The following KANK4 variants were observed in gnomAD, a reference collection of about 807,000 sequenced individuals.
KANK4 encodes KN motif and ankyrin repeat domain-containing protein 4.
KANK4 carries 50 observed loss-of-function variants against 80.8 expected under a neutral mutation model. That is an observed-to-expected ratio of 0.62 (90% CI 0.49 to 0.78). The LOEUF (loss-of-function observed/expected upper bound fraction) is 0.78, where lower values mean the gene tolerates loss of function less well. KANK4 is among the 30% of genes least tolerant of loss of function. KANK4 has a pLI of 0.00. For missense variants in KANK4, 1,196 were observed against 1,240.1 expected (o/e 0.96, Z 0.53); for synonymous variants, 465 against 506.9 (o/e 0.92, Z 1.11).
At chr1:62,249,544 A>AT (rs1671559666) in intron 8 of KANK4, among the ~76,000 whole-genome samples, 1 of 83,320 alleles carries the variant, frequency 1.2e-5, no homozygotes, top group African/African-American at 3.8e-5. Flanking sequence ...ACATCTGGCC[A>AT]ATTTTTTTTT....
chr1:62,264,345 A>T (rs1466442629), intron 6 of KANK4, among the ~76,000 whole-genome samples: 1 of 152,166 alleles, frequency 6.6e-6, no homozygotes, highest in Admixed American at 6.5e-5. Context: ...TGAACCCGGG[A>T]GGTGGAGGTT....
intron 3 of KANK4, chr1:62,271,835 G>A (rs563955178): frequency 3.8e-5 from 16 of 421,130 alleles, no homozygotes; most frequent in East Asian, 3.7e-4. Context: ...ACCATGTGGC[G>A]TAGGTGCCAT....
chr1:62,271,599 C>G lies in KANK4; in HGVS notation c.1901-10G>C. ...GTCGATGGGGAGATCTCTAGGCAGA[C>G]ACAACATCACAGGTTAGAATGATCT... On this transcript the variant is annotated splice_polypyrimidine_tract_variant and intron_variant, in intron 3 of 9. Coordinates refer to ENST00000371153, the MANE Select transcript of KANK4 (RefSeq NM_181712.5). The G allele has an allele frequency of 5.1e-6, 8 of 1,569,200 alleles. No homozygotes were observed. Among genetic ancestry groups the G allele is most frequent in the Non-Finnish European group, 7.0e-6 (8 of 1,139,262 alleles).
Position 62,273,212 on chromosome 1 carries a change from G to C in KANK4, c.1892C>G (p.Pro631Arg). 6.6e-7 allele frequency: 1 copy of C among 1,512,244 alleles called. No individual in the cohort carries two copies. Among genetic ancestry groups the C allele is most frequent in the Non-Finnish European group, 8.8e-7 (1 of 1,130,558 alleles). 93.7% of individuals were successfully genotyped at this position (1,512,244 alleles called of 1,614,324 possible). Residue 631 changes from proline to arginine, a missense_variant, in exon 3 of 10, where the codon CCG becomes CGG. Physicochemically the swap from Pro to Arg is moderately radical, Grantham distance 103. Coordinates refer to ENST00000371153, the MANE Select transcript of KANK4 (RefSeq NM_181712.5). ...ATATTGATGGTATTTACCCACTGGC[G>C]GGGAGGAGGAGGAGGCCGGTGGCTC... ...PKEPPASSSS[P>R]PVEISPSTSL...
At chr1:62,254,831 G>C (rs1015568126) in intron 7 of KANK4, among the ~76,000 whole-genome samples, 1 of 149,238 alleles carries the variant, frequency 6.7e-6, no homozygotes, top group South Asian at 2.1e-4. Flanking sequence ...GCCTCCCAAA[G>C]TGTTGGGATT....
At position 62,263,215 on chromosome 1, in the gene KANK4, G is replaced by A. The variant is rs1208838215; in HGVS notation, c.2416C>T (p.Gln806Ter). 1.2e-6 allele frequency: 2 copies of A among 1,613,938 alleles called. No homozygotes were observed. The highest frequency in any genetic ancestry group is 2.2e-5 in the East Asian group (1 of 44,862). The change falls in exon 7 of 10, where the codon CAG becomes TAG. Residue 806 changes from glutamine to a stop codon, truncating the protein, a stop_gained. Coordinates refer to ENST00000371153, the MANE Select transcript of KANK4 (RefSeq NM_181712.5). LOFTEE classifies it high-confidence loss of function. ...TTCAGGAAGTGTGGGGAGTGAGGCT[G>A]GACCTCGTGGAGGTAGGAGGCCACC... The part of the protein sequence containing the change: ...AVVASYLHEV[Q>*]PHSPHFLKLL...
chr1:62,315,667 A>C lies in KANK4; in HGVS notation c.-71+3439T>G, dbSNP rs144578441. On this transcript the variant is annotated intron_variant, in intron 1 of 9. Coordinates refer to ENST00000371153, the MANE Select transcript of KANK4 (RefSeq NM_181712.5). ...ACTTGCACAACATCAGAGTTTTAAA[A>C]GTAAGTATATAGGTGGAGGCTGCAG... Among the ~76,000 whole-genome samples the C allele has an allele frequency of 3.9e-3, 595 of 152,348 alleles. 5 individuals are homozygous for C. The highest frequency in any genetic ancestry group is 0.013 in the African/African-American group (558 of 41,582).
chr1:62,250,153 A>AT (rs893806735), intron 8 of KANK4, among the ~76,000 whole-genome samples: 5 of 151,212 alleles, frequency 3.3e-5, no homozygotes, highest in Non-Finnish European at 5.9e-5. Context: ...ACACCCGGCT[A>AT]TTTTTTGTAT....
intron 1 of KANK4, among the ~76,000 whole-genome samples, chr1:62,299,906 A>G (rs1268996028): frequency 6.6e-6 from 1 of 152,120 alleles, no homozygotes; most frequent in African/African-American, 2.4e-5. Flanking sequence ...CAGTGCACAC[A>G]ATGCCTCCTT....
intron 7 of KANK4, among the ~76,000 whole-genome samples, 196 bp from the exon 8 acceptor site, chr1:62,253,405 C>CTTTT (rs1671672518): frequency 9.2e-6 from 1 of 108,704 alleles, no homozygotes; most frequent in African/African-American, 3.4e-5. Flanking sequence ...TTTTTTCTTT[C>CTTTT]TTTCTTTTTT....
intron 9 of KANK4, among the ~76,000 whole-genome samples, chr1:62,240,578 G>A (rs1671312651): frequency 6.6e-6 from 1 of 152,154 alleles, no homozygotes; most frequent in East Asian, 1.9e-4. Context: ...CTGAGGCATG[G>A]GAATCGCTTG....
intron 4 of KANK4, among the ~76,000 whole-genome samples, 164 bp downstream of exon 4, chr1:62,271,314 C>T (rs1240725928): frequency 1.3e-5 from 2 of 152,142 alleles, no homozygotes; most frequent in East Asian, 3.9e-4. Flanking sequence ...TGGCAAGAAG[C>T]CAAACGCATG....
At chr1:62,243,015 C>T (rs1337651103) in intron 9 of KANK4, among the ~76,000 whole-genome samples, 1 of 152,192 alleles carries the variant, frequency 6.6e-6, no homozygotes, top group Non-Finnish European at 1.5e-5. Context: ...GCATGTGACC[C>T]ATCCATGAGT....
At chr1:62,283,715 A>C (rs1672500929) in intron 1 of KANK4, among the ~76,000 whole-genome samples, 1 of 152,200 alleles carries the variant, frequency 6.6e-6, no homozygotes, top group Non-Finnish European at 1.5e-5. Flanking sequence ...CCTACTGCAG[A>C]GGAGGGGGCC....
intron 1 of KANK4, among the ~76,000 whole-genome samples, chr1:62,282,038 G>A (rs577416263): frequency 6.6e-6 from 1 of 152,184 alleles, no homozygotes; most frequent in South Asian, 2.1e-4. Flanking sequence ...CCCCATCCTG[G>A]GAAGGGACTT....
chr1:62,307,317 A>G (rs1644460207), intron 1 of KANK4, among the ~76,000 whole-genome samples: 2 of 151,936 alleles, frequency 1.3e-5, no homozygotes, highest in Admixed American at 1.3e-4. Context: ...ACCTTGTCCT[A>G]CTAAAAATAC....
chr1:62,285,031 C>G (rs1267595692), intron 1 of KANK4, among the ~76,000 whole-genome samples: 1 of 152,216 alleles, frequency 6.6e-6, no homozygotes, highest in Non-Finnish European at 1.5e-5. Flanking sequence ...GAATCAGCTA[C>G]TGGGTATACT....
In KANK4 at chr1:62,318,929, G is replaced by A. The variant is rs149019584; in HGVS notation, c.-71+177C>T. Among the ~76,000 whole-genome samples the A allele has an allele frequency of 7.5e-4, 114 of 152,318 alleles. 1 individual carries two copies. The highest frequency in any genetic ancestry group is 2.5e-3 in the African/African-American group (104 of 41,556). On this transcript the variant is annotated intron_variant, in intron 1 of 9. Transcript: ENST00000371153. ...CGGGGGCGCCAGGTCGGCCCAAGCT[G>A]CCGCAGCCACTGCTTTAAAGGGAGC...
intron 1 of KANK4, among the ~76,000 whole-genome samples, chr1:62,315,346 A>C (rs904262659): frequency 1.3e-5 from 2 of 152,170 alleles, no homozygotes; most frequent in Non-Finnish European, 2.9e-5. Flanking sequence ...TTTTATGGTC[A>C]TTTAATATGG....
Sources: gnomAD v4.1 joint callset for allele counts (sites outside exome capture counted in the v4.1 genomes callset) on GRCh38, gnomAD v4.1.1 for gene constraint, MANE v1.5 for transcripts, NCBI Gene and HGNC (gene_info 2026-07-23, HGNC 2026-07-21) for gene names.